Variants in GABRA1 observed in about 807,000 individuals in gnomAD.
GABRA1 encodes gamma-aminobutyric acid receptor subunit alpha-1.
A neutral mutation model predicts 48.9 loss-of-function variants in GABRA1; 9 were observed. That is an observed-to-expected ratio of 0.18 (90% CI 0.11 to 0.32). The LOEUF (loss-of-function observed/expected upper bound fraction) is 0.32. Among genes scored for constraint, GABRA1 ranks in the 10% least tolerant of loss-of-function variants. The probability of loss-of-function intolerance (pLI) is 1.00; values close to 1 mark genes in which losing one functional copy is unlikely to be tolerated. For missense variants in GABRA1, 285 were observed against 553.8 expected (o/e 0.51, Z 4.87); for synonymous variants, 210 against 198.7 (o/e 1.06, Z -0.48).
At chr5:161,891,108 ATCTG>A in intron 8 of GABRA1, 58 bp downstream of exon 8, 2 of 1,481,528 alleles carry the variant, frequency 1.3e-6, no homozygotes, top group Non-Finnish European at 1.9e-6. Flanking sequence ...GTTATGTCAT[ATCTG>A]TGACACTGCA....
At chr5:161,847,809 T>C (rs1757268984), upstream of GABRA1, 1 of 152,140 alleles carries the variant, frequency 6.6e-6, no homozygotes, top group East Asian at 1.9e-4. Context: ...CACTAAATAG[T>C]TGTATTTTTA....
At chr5:161,861,303 A>G (rs1236896759) in intron 3 of GABRA1, among the ~76,000 whole-genome samples, 1 of 151,796 alleles carries the variant, frequency 6.6e-6, no homozygotes, top group Non-Finnish European at 1.5e-5. Flanking sequence ...ACAACAATTA[A>G]AAATTATAAA....
chr5:161,896,319 A>G (rs1393991612), intron 9 of GABRA1, among the ~76,000 whole-genome samples: 1 of 152,212 alleles, frequency 6.6e-6, no homozygotes, highest in Admixed American at 6.5e-5. Context: ...TAAGTTTGCC[A>G]CATGAACCAT....
intron 6 of GABRA1, among the ~76,000 whole-genome samples, chr5:161,880,571 T>C (rs565245496): frequency 4.6e-5 from 7 of 152,226 alleles, no homozygotes; most frequent in Non-Finnish European, 8.8e-5. Flanking sequence ...CTTTTACATG[T>C]CCCATGAACC....
intron 6 of GABRA1, 82 bp from the exon 7 acceptor site, chr5:161,882,476 A>C: frequency 7.7e-7 from 1 of 1,290,484 alleles, no homozygotes. Flanking sequence ...TATAGAAAAT[A>C]TGAAGCTGAT....
intron 3 of GABRA1, among the ~76,000 whole-genome samples, chr5:161,861,214 A>C (rs1757846340): frequency 6.6e-6 from 1 of 151,750 alleles, no homozygotes; most frequent in African/African-American, 2.4e-5. Context: ...TTTGATCAAG[A>C]CTTATACTGA....
chr5:161,860,327 C>T (rs999867453), intron 3 of GABRA1, among the ~76,000 whole-genome samples: 7 of 151,724 alleles, frequency 4.6e-5, no homozygotes, highest in Non-Finnish European at 8.8e-5. Flanking sequence ...GAAACTACTG[C>T]CATGTTTGTC....
intron 1 of GABRA1, chr5:161,850,301 C>G (rs1332188900): frequency 4.0e-6 from 1 of 252,384 alleles, no homozygotes; most frequent in Non-Finnish European, 7.4e-6. Flanking sequence ...AAGGTACCTG[C>G]AGAATTCAAA....
At chr5:161,895,589 T>C (rs1755324137) in intron 8 of GABRA1, 77 bp from the exon 9 acceptor site, 3 of 1,303,240 alleles carry the variant, frequency 2.3e-6, no homozygotes, top group Non-Finnish European at 3.3e-6. Flanking sequence ...TTTCCTTTTG[T>C]TCAAGTAGGC....
chr5:161,893,017 ATAATAAT>A (rs1342317543), intron 8 of GABRA1, among the ~76,000 whole-genome samples: 14,313 of 108,452 alleles, frequency 0.13, 1,647 homozygotes, highest in African/African-American at 0.31. Flanking sequence ...AAAAATAATA[ATAATAAT>A]AATAATAATA....
intron 6 of GABRA1, among the ~76,000 whole-genome samples, chr5:161,879,960 A>C (rs1016674236): frequency 6.6e-6 from 1 of 152,196 alleles, no homozygotes; most frequent in East Asian, 1.9e-4. Context: ...TAAAAGCAAG[A>C]GTTTTAGTTT....
chr5:161,854,352 C>A (rs1383027659), intron 3 of GABRA1, 82 bp downstream of exon 3: 3 of 786,984 alleles, frequency 3.8e-6, no homozygotes, highest in South Asian at 1.4e-5. Flanking sequence ...TCTAAATGGT[C>A]AAATAATAAA....
At chr5:161,848,858 A>T (rs1581172778) in intron 1 of GABRA1, 1 of 409,468 alleles carries the variant, frequency 2.4e-6, no homozygotes, top group East Asian at 8.4e-5. Context: ...AGACGCTGGG[A>T]CGGAAAACCT....
chr5:161,853,923 C>A (rs553659837), intron 2 of GABRA1, among the ~76,000 whole-genome samples: 1 of 151,598 alleles, frequency 6.6e-6, no homozygotes, highest in Non-Finnish European at 1.5e-5. Flanking sequence ...AAAAAGTAAA[C>A]AGACAGAAGT....
chr5:161,897,414 C>T lies in GABRA1; in HGVS notation c.1363C>T (p.His455Tyr). 6.2e-7 allele frequency: 1 copy of T among 1,613,328 alleles called. No individual in the cohort carries two copies. Among genetic ancestry groups the T allele is most frequent in the Non-Finnish European group, 8.5e-7 (1 of 1,179,298 alleles). ...GCCTCAGCTAAAAGCCCCCACACCA[C>T]ATCAATAGATCTTTTACTCACATTC... The part of the protein sequence containing the change: ...REPQLKAPTP[H>Y]Q Residue 455 changes from histidine to tyrosine, a missense_variant, in exon 10 of 10, where the codon CAT becomes TAT. His to Tyr is a moderately conservative substitution (Grantham distance 83). Transcript: ENST00000393943.
intron 3 of GABRA1, among the ~76,000 whole-genome samples, chr5:161,855,016 C>T (rs917270525): frequency 2.0e-5 from 3 of 151,356 alleles, no homozygotes; most frequent in African/African-American, 7.3e-5. Flanking sequence ...ATATTGATCT[C>T]AGAGTAAAAC....
rs977513442 is a variant in GABRA1, at chr5:161,877,023, C to A, written c.559+1381C>A. 7.2e-5 allele frequency among the ~76,000 whole-genome samples: 11 copies of A among 152,072 alleles called. 1 individual carries two copies. Among genetic ancestry groups the A allele is most frequent in the African/African-American group, 2.4e-4 (10 of 41,394 alleles). On this transcript the variant is annotated intron_variant, in intron 6 of 9. Coordinates refer to ENST00000393943, the MANE Select transcript of GABRA1 (RefSeq NM_001127644.2). ...AATCATGGCTCACTGCAGGCTTGAC[C>A]CCCTGGGCTCAGGCAATTGTTCTGC...
At chr5:161,896,043 G>A (rs1755353206) in intron 9 of GABRA1, among the ~76,000 whole-genome samples, 175 bp downstream of exon 9, 1 of 152,076 alleles carries the variant, frequency 6.6e-6, no homozygotes, top group African/African-American at 2.4e-5. Flanking sequence ...AAAGGGAGAG[G>A]TCATTTAGGT....
chr5:161,869,751 G>A (rs1346965322), intron 4 of GABRA1, among the ~76,000 whole-genome samples: 1 of 152,148 alleles, frequency 6.6e-6, no homozygotes, highest in Non-Finnish European at 1.5e-5. Flanking sequence ...CTATTGAACA[G>A]AGCAACTCAT....
Sources: gnomAD v4.1 joint callset for allele counts (sites outside exome capture counted in the v4.1 genomes callset) on GRCh38, gnomAD v4.1.1 for gene constraint, MANE v1.5 for transcripts, NCBI Gene and HGNC (gene_info 2026-07-23, HGNC 2026-07-21) for gene names.